Variants in CLPB observed in about 807,000 individuals in gnomAD.
The protein encoded by CLPB is mitochondrial disaggregase.
Under a neutral mutation model 78.4 loss-of-function variants are expected in CLPB, and 40 were observed. That is an observed-to-expected ratio of 0.51 (90% CI 0.40 to 0.66). CLPB has a LOEUF of 0.66. Ranked by LOEUF, CLPB falls within the 30% of genes least tolerant of loss-of-function variation. The probability of loss-of-function intolerance (pLI) is 0.00; values close to 1 mark genes in which losing one functional copy is unlikely to be tolerated. For synonymous variants in CLPB, 333 were observed against 348.0 expected (o/e 0.96, Z 0.48); for missense variants, 780 against 886.9 (o/e 0.88, Z 1.53).
chr11:72,358,916 C>T lies in CLPB; in HGVS notation c.739G>A (p.Asp247Asn), dbSNP rs1290307225. ...AGCTCCTTGACAGTGCGGTAGTCAT[C>T]AGCAAGAACAGCATAGTGCAAGGCC... ...CTALHYAVLA[D>N]DYRTVKELLD... The change falls in exon 5 of 16, where the codon GAT becomes AAT. Residue 247 changes from aspartate to asparagine, a missense_variant. Asp to Asn is a conservative substitution (Grantham distance 23). Coordinates refer to ENST00000538039, the MANE Select transcript of CLPB (RefSeq NM_001258392.3). 2 of 1,607,852 alleles carry T rather than the reference C, an allele frequency of 1.2e-6. No homozygotes were observed. Among genetic ancestry groups the T allele is most frequent in the East Asian group, 2.2e-5 (1 of 44,468 alleles).
intron 4 of CLPB, chr11:72,372,977 G>A: frequency 1.1e-5 from 17 of 1,614,160 alleles, no homozygotes; most frequent in Non-Finnish European, 1.4e-5. Flanking sequence ...TTGTCCACTG[G>A]TTTGTGATGT....
rs75796019 is a variant in CLPB at position 72,326,991 on chromosome 11, G to T, written c.873+2716C>A. ...TCTGATGGGACAGCAAAGCAATTAG[G>T]TGGAGATGCTCAGTGGACACATTCA... On this transcript the variant is annotated intron_variant, in intron 6 of 15. Transcript: ENST00000538039. Among the ~76,000 whole-genome samples, 157 of 152,354 alleles carry T rather than the reference G, an allele frequency of 1.0e-3. 6 individuals carry two copies. In the East Asian group the frequency reaches 0.028, roughly 27 times the overall value.
At chr11:72,392,718 A>G (rs931413775) in intron 3 of CLPB, among the ~76,000 whole-genome samples, 1 of 152,358 alleles carries the variant, frequency 6.6e-6, no homozygotes, top group African/African-American at 2.4e-5. Context: ...TACCAGTCCT[A>G]TTTTATAAAT....
chr11:72,397,005 T>C (rs1370573562), intron 3 of CLPB, among the ~76,000 whole-genome samples: 1 of 152,266 alleles, frequency 6.6e-6, no homozygotes, highest in East Asian at 1.9e-4. Flanking sequence ...TACATTCATG[T>C]AACCAGCATG....
chr11:72,423,933 C>T (rs1349515542), intron 2 of CLPB, among the ~76,000 whole-genome samples: 3 of 152,358 alleles, frequency 2.0e-5, no homozygotes, highest in Non-Finnish European at 2.9e-5. Context: ...ACTGAACTGT[C>T]TTCCGCCTTT....
intron 5 of CLPB, 69 bp downstream of exon 5, chr11:72,358,800 ATCCCACCCCTC>A: frequency 1.1e-5 from 1 of 88,290 alleles, no homozygotes; most frequent in Non-Finnish European, 2.2e-5. Flanking sequence ...GCCAAGCCCC[ATCCCACCCCTC>A]CTCCACCCCC....
chr11:72,338,855 T>C (rs1036413606), intron 5 of CLPB, among the ~76,000 whole-genome samples: 6 of 152,186 alleles, frequency 3.9e-5, no homozygotes, highest in African/African-American at 1.4e-4. Flanking sequence ...GGATGACCTA[T>C]TTGCTCAATC....
In CLPB at chr11:72,294,385, G is replaced by T. The variant is rs200970392; in HGVS notation, c.1620C>A (p.Pro540=). 6.2e-7 allele frequency: 1 copy of T among 1,614,134 alleles called. No homozygotes were observed. The highest frequency in any genetic ancestry group is 8.5e-7 in the Non-Finnish European group (1 of 1,180,050). Reference sequence around the variant, plus strand: ...GTTGGATGAGCTCCGAGTGGCAGAAGGGGAGGAAGTAGACGATCTCATTGA... The same window carrying T: ...GTTGGATGAGCTCCGAGTGGCAGAATGGGAGGAAGTAGACGATCTCATTGA... ...GRINEIVYFL[P]FCHSELIQLV... Residue 540 remains proline (P), a synonymous_variant, in exon 14 of 16, where the codon CCC becomes CCA. Transcript: ENST00000538039.
Position 72,317,180 on chromosome 11 carries a change from C to T in CLPB, c.914G>A (p.Arg305His), listed in dbSNP as rs529206633. The change falls in exon 7 of 16, where the codon CGC becomes CAC. Residue 305 changes from arginine to histidine, a missense_variant. Around this residue, in one of 3 missense-constraint regions of CLPB, gnomAD observed 417 missense variants for 414.7 expected, o/e 1.01. Coordinates refer to ENST00000538039, the MANE Select transcript of CLPB (RefSeq NM_001258392.3). ...KQRKREAEER[R>H]RFPLEQRLKE... ...TAGTCGCTGCTCCAGGGGGAAGCGG[C>T]GCCGCTCCTCAGCCTCACGCTTCCG... The T allele has an allele frequency of 1.2e-5, 19 of 1,612,004 alleles. No individual in the cohort carries two copies. The South Asian group carries it at 1.3e-4, about 11-fold the overall frequency.
intron 2 of CLPB, among the ~76,000 whole-genome samples, chr11:72,412,971 A>G (rs1855920239): frequency 6.6e-6 from 1 of 150,910 alleles, no homozygotes; most frequent in South Asian, 2.1e-4. Context: ...TACAAAAATC[A>G]CACACACACA....
chr11:72,313,882 T>C (rs1470280601), intron 7 of CLPB, among the ~76,000 whole-genome samples: 1 of 152,114 alleles, frequency 6.6e-6, no homozygotes, highest in Non-Finnish European at 1.5e-5. Flanking sequence ...GCAGACAACG[T>C]GGAAGGGCAG....
Position 72,329,792 on chromosome 11 carries a change from AG to A in CLPB, c.787del (p.Leu263CysfsTer19). 1.9e-6 allele frequency: 3 copies of A among 1,613,586 alleles called. No individual in the cohort carries two copies. Among genetic ancestry groups the A allele is most frequent in the Admixed American group, 1.7e-5 (1 of 59,976 alleles). On this transcript the variant is annotated frameshift_variant, in exon 6 of 16. Coordinates refer to ENST00000538039, the MANE Select transcript of CLPB (RefSeq NM_001258392.3). LOFTEE classifies it high-confidence loss of function. ...TGTGTGTCCCATTTCATTCCTCTGC[AG>A]GGGGTTGGCTCCTGGCAAGAGAAGA... Reference protein sequence around the residue: ...KELLDGGANPLQRNEMGHTPL... With the variant: ...KELLDGGANPXQRNEMGHTPL...
rs770073084 is a variant in CLPB, at chr11:72,295,617, A to G, written c.1361T>C (p.Ile454Thr). 2.5e-6 allele frequency: 4 copies of G among 1,613,924 alleles called. No individual in the cohort carries two copies. Among genetic ancestry groups the G allele is most frequent in the East Asian group, 2.2e-5 (1 of 44,884 alleles). Residue 454 changes from isoleucine to threonine, a missense_variant, in exon 12 of 16, where the codon ATT becomes ACT. Physicochemically the swap from Ile to Thr is moderately conservative, Grantham distance 89 (BLOSUM62 -1). Transcript: ENST00000538039. ...GRLTDGKGKT[I>T]DCKDAIFIMT... is the part of the protein sequence containing the mutation. ...GATGAAGATGGCGTCCTTGCAATCA[A>G]TGGTCTTCCCTTTTCCATCTGTCAG...
chr11:72,345,355 A>G (rs1013510136), intron 5 of CLPB, among the ~76,000 whole-genome samples: 1 of 152,232 alleles, frequency 6.6e-6, no homozygotes, highest in Non-Finnish European at 1.5e-5. Context: ...GAATATCTCT[A>G]TGAATTTACA....
At chr11:72,308,409 C>A in intron 8 of CLPB, 118 bp downstream of exon 8, 1 of 802,122 alleles carries the variant, frequency 1.2e-6, no homozygotes, top group South Asian at 1.4e-5. Context: ...GCTTTTAGAG[C>A]TCAAGTTGAC....
chr11:72,427,695 T>C (rs1375532248), intron 2 of CLPB, among the ~76,000 whole-genome samples: 2 of 152,146 alleles, frequency 1.3e-5, no homozygotes, highest in Admixed American at 6.5e-5. Flanking sequence ...CTATACCATA[T>C]AGATTAGGTG....
At position 72,293,490 on chromosome 11, in the gene CLPB, G is replaced by C; in HGVS notation, c.1911C>G (p.Pro637=). Residue 637 remains proline, a synonymous_variant, in exon 16 of 16, where the codon CCC becomes CCG. Coordinates refer to ENST00000538039, the MANE Select transcript of CLPB (RefSeq NM_001258392.3). ...GGAGGCGCTTCTCAGCCTGGGGTGA[G>C]GGCAGTTCTGGGCTTTTGAGTAGCT... ...DKQLLKSPEL[P]SPQAEKRLPK... is the part of the protein sequence containing the mutation. 6.2e-7 allele frequency: 1 copy of C among 1,614,174 alleles called. No individual in the cohort carries two copies. The highest frequency in any genetic ancestry group is 8.5e-7 in the Non-Finnish European group (1 of 1,180,026).
intron 6 of CLPB, among the ~76,000 whole-genome samples, chr11:72,317,996 A>T (rs1949979486): frequency 6.6e-6 from 1 of 152,264 alleles, no homozygotes; most frequent in African/African-American, 2.4e-5. Flanking sequence ...CCTGCACACA[A>T]ATACTTCGCA....
intron 3 of CLPB, among the ~76,000 whole-genome samples, chr11:72,400,970 A>T (rs1172073615): frequency 6.6e-6 from 1 of 152,192 alleles, no homozygotes; most frequent in Non-Finnish European, 1.5e-5. Flanking sequence ...GGATTCTGCA[A>T]ACACTAGCAC....
Sources: allele counts gnomAD v4.1 joint callset (sites outside exome capture counted in the v4.1 genomes callset), GRCh38; gene constraint gnomAD v4.1.1; regional missense constraint gnomAD v4.1.1; transcripts MANE v1.5; gene names NCBI Gene and HGNC (gene_info 2026-07-23, HGNC 2026-07-21).